TMEM108: variants seen among roughly 807,000 people sequenced by gnomAD.
TMEM108 encodes the protein transmembrane protein 108, also known as cancer/testis antigen 124.
Under a neutral mutation model 35.1 loss-of-function variants are expected in TMEM108, and 12 were observed. That is an observed-to-expected ratio of 0.34 (90% CI 0.22 to 0.55). The LOEUF is 0.55. TMEM108 is among the 20% of genes least tolerant of loss of function. TMEM108 has a pLI of 0.89. For missense variants in TMEM108, 680 were observed against 753.3 expected, an observed-to-expected ratio of 0.90 and a Z score of 1.14; for synonymous variants, 287 against 308.6, an observed-to-expected ratio of 0.93 and a Z score of 0.73.
intron 3 of TMEM108, among the ~76,000 whole-genome samples, chr3:133,288,602 A>C (rs1309092847): frequency 6.6e-6 from 1 of 152,012 alleles, no homozygotes; most frequent in African/African-American, 2.4e-5. Context: ...GAAACACTCC[A>C]CCTCCTACCT....
intron 4 of TMEM108, among the ~76,000 whole-genome samples, chr3:133,382,673 G>A (rs1029926547): frequency 6.6e-6 from 1 of 152,234 alleles, no homozygotes; most frequent in African/African-American, 2.4e-5. Context: ...GAGGAACAAA[G>A]CCCCGAAGGC....
At chr3:133,341,872 A>G (rs2071670882) in intron 3 of TMEM108, among the ~76,000 whole-genome samples, 2 of 151,986 alleles carry the variant, frequency 1.3e-5, no homozygotes, top group Admixed American at 1.3e-4. Flanking sequence ...ACCATATTAC[A>G]AAAATCAAAT....
intron 2 of TMEM108, among the ~76,000 whole-genome samples, chr3:133,054,356 A>G (rs967187357): frequency 5.9e-5 from 9 of 152,190 alleles, no homozygotes; most frequent in African/African-American, 1.9e-4. Flanking sequence ...TGTATTTCCC[A>G]TACAGATATC....
intron 2 of TMEM108, among the ~76,000 whole-genome samples, chr3:133,067,419 C>A (rs1367160628): frequency 6.6e-6 from 1 of 152,206 alleles, no homozygotes. Context: ...ACTCACCAGA[C>A]CTTCCTTCAC....
intron 2 of TMEM108, among the ~76,000 whole-genome samples, chr3:133,168,848 C>G (rs1034350434): frequency 6.6e-6 from 1 of 152,150 alleles, no homozygotes; most frequent in Non-Finnish European, 1.5e-5. Flanking sequence ...GGCTTCACTC[C>G]TGAGGCCAGC....
At chr3:133,378,243 A>T in intron 3 of TMEM108, 1 of 705,094 alleles carries the variant, frequency 1.4e-6, no homozygotes, top group Non-Finnish European at 1.7e-6. Context: ...GTGAGGACAC[A>T]GGCCCATGCC....
intron 3 of TMEM108, among the ~76,000 whole-genome samples, chr3:133,250,246 G>A (rs1053907938): frequency 7.2e-5 from 11 of 152,078 alleles, no homozygotes; most frequent in Non-Finnish European, 1.5e-4. Flanking sequence ...CCACCCCTAA[G>A]ACAACAAGAC....
intron 2 of TMEM108, among the ~76,000 whole-genome samples, chr3:133,049,165 A>G (rs1943375173): frequency 6.6e-6 from 1 of 152,242 alleles, no homozygotes; most frequent in Non-Finnish European, 1.5e-5. Flanking sequence ...CCAGGTGGTC[A>G]GAACATATAT....
intron 4 of TMEM108, among the ~76,000 whole-genome samples, chr3:133,384,463 C>T (rs1384747557): frequency 7.5e-6 from 1 of 132,674 alleles, no homozygotes; most frequent in African/African-American, 2.8e-5. Context: ...GATTGCAAGC[C>T]ACAACCAGTG....
chr3:133,240,736 C>T (rs1400468342), intron 3 of TMEM108, among the ~76,000 whole-genome samples: 1 of 152,208 alleles, frequency 6.6e-6, no homozygotes, highest in Non-Finnish European at 1.5e-5. Context: ...TCATTGTCCT[C>T]AACTACAATG....
intron 2 of TMEM108, among the ~76,000 whole-genome samples, chr3:133,151,404 G>T (rs1944798643): frequency 6.6e-6 from 1 of 152,144 alleles, no homozygotes; most frequent in Non-Finnish European, 1.5e-5. Flanking sequence ...TTACTGAGAA[G>T]ACTTTCCGAA....
chr3:133,368,263 C>T (rs952328841), intron 3 of TMEM108, among the ~76,000 whole-genome samples: 1 of 152,160 alleles, frequency 6.6e-6, no homozygotes, highest in Admixed American at 6.5e-5. Flanking sequence ...TTAGCTGCCC[C>T]CCTAACAAAA....
intron 2 of TMEM108, among the ~76,000 whole-genome samples, chr3:133,081,184 C>G (rs1237068933): frequency 6.6e-6 from 1 of 152,166 alleles, no homozygotes; most frequent in African/African-American, 2.4e-5. Flanking sequence ...AGGCTGCCAT[C>G]ACAAAATACC....
chr3:133,145,577 T>C (rs376592352), intron 2 of TMEM108, among the ~76,000 whole-genome samples: 1 of 152,226 alleles, frequency 6.6e-6, no homozygotes, highest in Admixed American at 6.5e-5. Context: ...TTTCACGATA[T>C]TGATTCTTCC....
At chr3:133,176,573 T>C (rs898284857) in intron 2 of TMEM108, among the ~76,000 whole-genome samples, 2 of 151,780 alleles carry the variant, frequency 1.3e-5, no homozygotes, top group Middle Eastern at 3.4e-3. Flanking sequence ...GACTACTGGG[T>C]ACATAACGAA....
intron 5 of TMEM108, 97 bp downstream of exon 5, chr3:133,390,431 G>T: frequency 7.2e-7 from 1 of 1,381,924 alleles, no homozygotes; most frequent in Non-Finnish European, 1.0e-6. Flanking sequence ...GCTCCTTAAC[G>T]TATGGCCCAT....
intron 2 of TMEM108, among the ~76,000 whole-genome samples, chr3:133,087,100 G>A (rs1019325995): frequency 3.3e-5 from 5 of 152,148 alleles, no homozygotes; most frequent in African/African-American, 1.2e-4. Flanking sequence ...CAGCAGTTGG[G>A]TGCAGCCCTG....
chr3:133,392,843 T>A (rs1247394849), intron 5 of TMEM108, among the ~76,000 whole-genome samples: 1 of 152,236 alleles, frequency 6.6e-6, no homozygotes, highest in African/African-American at 2.4e-5. Context: ...CCATGAGTGC[T>A]GCAATGGCCT....
intron 3 of TMEM108, among the ~76,000 whole-genome samples, chr3:133,369,842 G>T (rs1294244657): frequency 6.6e-6 from 1 of 152,154 alleles, no homozygotes; most frequent in Non-Finnish European, 1.5e-5. Context: ...TCACACCAGG[G>T]TGCTGGGAAA....
Sources: gnomAD v4.1 joint callset for allele counts (sites outside exome capture counted in the v4.1 genomes callset) on GRCh38, gnomAD v4.1.1 for gene constraint, MANE v1.5 for transcripts, NCBI Gene and HGNC (gene_info 2026-07-23, HGNC 2026-07-21) for gene names.